The following SPATA32 variants were observed in gnomAD, a reference collection of about 807,000 sequenced individuals.
SPATA32 encodes spermatogenesis associated 32, also known as spermatogenesis-associated protein 32.
A neutral mutation model predicts 35.4 loss-of-function variants in SPATA32; 28 were observed. The ratio of observed to expected loss-of-function variants is 0.79; its 90% CI spans 0.59 to 1.09. The LOEUF is 1.09. SPATA32 is among the 50% of genes least tolerant of loss of function. The pLI is 0.00. For synonymous variants in SPATA32, 168 were observed against 196.3 expected, an observed-to-expected ratio of 0.86 and a Z score of 1.20; for missense variants, 409 against 475.9, an observed-to-expected ratio of 0.86 and a Z score of 1.31.
In SPATA32 at chr17:45,257,185, G is replaced by T. The variant is rs771967200; in HGVS notation, c.36C>A (p.Cys12Ter). 18 of 1,611,974 alleles carry T rather than the reference G, an allele frequency of 1.1e-5. No individual in the cohort carries two copies. The highest frequency in any genetic ancestry group is 8.0e-5 in the African/African-American group (6 of 74,854). Residue 12 changes from cysteine to a stop codon, truncating the protein, a stop_gained, in exon 2 of 5, where the codon TGC (cysteine) becomes TGA (stop). Coordinates refer to ENST00000331780, the MANE Select transcript of SPATA32 (RefSeq NM_152343.3). LOFTEE classifies it high-confidence loss of function. ...GVTGAHGFPC[C>*]GKGSVEVAEM... ...CTGCAACCTCCACTGACCCTTTGCC[G>T]CAGCATGGAAATCCATGGGCACCTG...
rs780724279 is a variant in SPATA32, at chr17:45,254,463, T to A, written c.1118A>T (p.His373Leu). ...EKENPLLVKI[H>L]FKLSAPTIPE... is the part of the protein sequence containing the mutation. ...GATTGTGGGGGCTGACAGCTTAAAA[T>A]GGATTTTCACCAATAATGGATTCTC... Residue 373 changes from histidine (H) to leucine (L), a missense_variant, in exon 5 of 5, where the codon CAT (histidine) becomes CTT (leucine). Physicochemically the swap from His to Leu is moderately conservative, Grantham distance 99. Transcript: ENST00000331780. The A allele has an allele frequency of 8.7e-6, 14 of 1,614,058 alleles. 1 individual carries two copies. In the South Asian group the frequency reaches 1.4e-4, roughly 16 times the overall value.
At chr17:45,259,913 C>T (rs1455348771) in intron 1 of SPATA32, 1 of 152,074 alleles carries the variant, frequency 6.6e-6, no homozygotes, top group Non-Finnish European at 1.5e-5. Flanking sequence ...GTTGTTGAAT[C>T]TGATTGGCTT....
rs1338009502 is a variant in SPATA32, at chr17:45,256,492, A to G, written c.69-77T>C. The G allele has an allele frequency of 7.6e-7, 1 of 1,317,448 alleles. No individual in the cohort carries two copies. The highest frequency in any genetic ancestry group is 1.1e-6 in the Non-Finnish European group (1 of 910,994). The allele number at this position is 1,317,448 out of a possible 1,614,324, so 81.6% of individuals were successfully genotyped here. Reference sequence around the variant, plus strand: ...GGAAGGGGGTTTCTGGGGCCCTCAAAGCCCTCTGCCTTGTAACAGAAGCTG... The same window carrying G: ...GGAAGGGGGTTTCTGGGGCCCTCAAGGCCCTCTGCCTTGTAACAGAAGCTG... On this transcript the variant is annotated intron_variant, in intron 2 of 4. Transcript: ENST00000331780. The surrounding 1 kb of genome is among the most constrained non-coding windows in gnomAD (Gnocchi z 4.7).
Position 45,255,576 on chromosome 17 carries a change from G to A in SPATA32, c.606C>T (p.Cys202=). The part of the protein sequence containing the change: ...LREAIPTNAL[C]SEEQLQIPDA... Reference sequence around the variant, plus strand: ...CAGGGATCTGGAGCTGCTCCTCGGAGCACAGGGCGTTGGTGGGGATGGCCT... The same window carrying A: ...CAGGGATCTGGAGCTGCTCCTCGGAACACAGGGCGTTGGTGGGGATGGCCT... The change falls in exon 4 of 5, where the codon TGC becomes TGT. Residue 202 remains cysteine (C), a synonymous_variant. Coordinates refer to ENST00000331780, the MANE Select transcript of SPATA32 (RefSeq NM_152343.3). This position sits in a 1 kb window ranked among gnomAD's most constrained non-coding sequence, Gnocchi z 5.4. The A allele has an allele frequency of 3.1e-6, 5 of 1,614,148 alleles. No homozygotes were observed. Among genetic ancestry groups the A allele is most frequent in the South Asian group, 1.1e-5 (1 of 91,090 alleles).
intron 1 of SPATA32, among the ~76,000 whole-genome samples, chr17:45,260,358 C>T (rs187431568): frequency 8.5e-5 from 13 of 152,218 alleles, no homozygotes; most frequent in South Asian, 8.3e-4. Flanking sequence ...CCACTCTCCT[C>T]GCCCTATTCA....
Position 45,256,348 on chromosome 17 carries a change from C to T in SPATA32, c.108+28G>A. On this transcript the variant is annotated intron_variant, in intron 3 of 4. Coordinates refer to ENST00000331780, the MANE Select transcript of SPATA32 (RefSeq NM_152343.3). This position sits in a 1 kb window ranked among gnomAD's most constrained non-coding sequence, Gnocchi z 4.7. Reference sequence around the variant, plus strand: ...GAGCCCTGCCGCTTGCCTACCACCTCCCCGTAAGAGGACACTCCCATTTTT... The same window carrying T: ...GAGCCCTGCCGCTTGCCTACCACCTTCCCGTAAGAGGACACTCCCATTTTT... The T allele has an allele frequency of 6.2e-7, 1 of 1,610,904 alleles. No individual in the cohort carries two copies. The highest frequency in any genetic ancestry group is 8.5e-7 in the Non-Finnish European group (1 of 1,177,074).
chr17:45,255,331 A>G lies in SPATA32; in HGVS notation c.851T>C (p.Val284Ala). The change falls in exon 4 of 5, where the codon GTG becomes GCG. Residue 284 changes from valine to alanine, a missense_variant. Transcript: ENST00000331780. This position sits in a 1 kb window ranked among gnomAD's most constrained non-coding sequence, Gnocchi z 5.4. The part of the protein sequence containing the change: ...EPSTEPLLTT[V>A]EEREPENHAE... ...GTGATTTTCTGGCTCTCGCTCCTCC[A>G]CAGTGGTCAGGAGGGGCTCTGTGGA... 1 of 1,614,138 alleles carries G rather than the reference A, an allele frequency of 6.2e-7. No homozygotes were observed.
chr17:45,257,574 C>A (rs963037657), intron 1 of SPATA32, among the ~76,000 whole-genome samples: 1 of 152,202 alleles, frequency 6.6e-6, no homozygotes, highest in Non-Finnish European at 1.5e-5. Flanking sequence ...TGCCCAAGGT[C>A]CCCCAGCTGA....
chr17:45,255,970 G>A lies in SPATA32; in HGVS notation c.212C>T (p.Ala71Val). 6.2e-7 allele frequency: 1 copy of A among 1,614,094 alleles called. No homozygotes were observed. The highest frequency in any genetic ancestry group is 1.7e-5 in the Admixed American group (1 of 60,016). Residue 71 changes from alanine (A) to valine (V), a missense_variant, in exon 4 of 5, where the codon GCT becomes GTT. Coordinates refer to ENST00000331780, the MANE Select transcript of SPATA32 (RefSeq NM_152343.3). This position sits in a 1 kb window ranked among gnomAD's most constrained non-coding sequence, Gnocchi z 5.4. The part of the protein sequence containing the change: ...DPELEIGQVP[A>V]LLESELYPAL... ...TGGGTATAGCTCTGACTCCAGTAAA[G>A]CCGGCACCTGTCCGATCTCCAGTTC... is the stretch of plus-strand genomic sequence containing the variant.
chr17:45,256,123 C>T lies in SPATA32; in HGVS notation c.109-50G>A. 1 of 1,547,862 alleles carries T rather than the reference C, an allele frequency of 6.5e-7. No individual in the cohort carries two copies. On this transcript the variant is annotated intron_variant, in intron 3 of 4. Coordinates refer to ENST00000331780, the MANE Select transcript of SPATA32 (RefSeq NM_152343.3). This position sits in a 1 kb window ranked among gnomAD's most constrained non-coding sequence, Gnocchi z 4.7. ...AGGAGGCAGGAGCGGGAGGTCCTGC[C>T]CCTGAGGCCCTCCCTGGCACCGAGT...
intron 2 of SPATA32, 129 bp downstream of exon 2, chr17:45,257,024 G>GC: frequency 9.5e-7 from 1 of 1,049,330 alleles, no homozygotes; most frequent in Non-Finnish European, 1.4e-6. Flanking sequence ...CTGGACACTG[G>GC]CCCCGGGGAG....
At position 45,255,943 on chromosome 17, in the gene SPATA32, G is replaced by T. The variant is rs150189342; in HGVS notation, c.239C>A (p.Ala80Asp). Reference protein sequence around the residue: ...PALLESELYPALKLEAELDTE... With the variant: ...PALLESELYPDLKLEAELDTE... ...GTCCAGCTCAGCTTCAAGCTTGAGG[G>T]CTGGGTATAGCTCTGACTCCAGTAA... is the stretch of plus-strand genomic sequence containing the variant. Residue 80 changes from alanine (A) to aspartate (D), a missense_variant, in exon 4 of 5, where the codon GCC becomes GAC. Coordinates refer to ENST00000331780, the MANE Select transcript of SPATA32 (RefSeq NM_152343.3). The surrounding 1 kb of genome is among the most constrained non-coding windows in gnomAD (Gnocchi z 5.4). The T allele has an allele frequency of 1.2e-6, 2 of 1,614,106 alleles. No individual in the cohort carries two copies. The highest frequency in any genetic ancestry group is 1.7e-6 in the Non-Finnish European group (2 of 1,180,024).
intron 1 of SPATA32, 111 bp downstream of exon 1, chr17:45,261,893 G>A: frequency 8.5e-7 from 1 of 1,182,844 alleles, no homozygotes; most frequent in African/African-American, 1.6e-5. Flanking sequence ...TGGGAGCAGG[G>A]GAACGGGCCC....
In SPATA32 at chr17:45,254,453, C is replaced by CA. The variant is rs1567979424; in HGVS notation, c.1127dup (p.Ser377ValfsTer15). On this transcript the variant is annotated frameshift_variant, in exon 5 of 5. Transcript: ENST00000331780. LOFTEE classifies it high-confidence loss of function. The stretch of plus-strand genomic sequence containing the variant: ...ATTTCTCTGGGATTGTGGGGGCTGA[C>CA]AGCTTAAAATGGATTTTCACCAATA... The CA allele has an allele frequency of 6.2e-7, 1 of 1,614,076 alleles. No homozygotes were observed. Among genetic ancestry groups the CA allele is most frequent in the African/African-American group, 1.3e-5 (1 of 74,938 alleles).
At position 45,256,730 on chromosome 17, in the gene SPATA32, C is replaced by T. The variant is rs2043961730; in HGVS notation, c.69-315G>A. Among the ~76,000 whole-genome samples the T allele has an allele frequency of 6.6e-6, 1 of 152,150 alleles. No homozygotes were observed. The highest frequency in any genetic ancestry group is 2.4e-5 in the African/African-American group (1 of 41,414). ...ATTTTTATCAAGCACTGCAGGTGAG[C>T]TGGGGCAACTCACTTCGAGGATTAG... On this transcript the variant is annotated intron_variant, in intron 2 of 4. Coordinates refer to ENST00000331780, the MANE Select transcript of SPATA32 (RefSeq NM_152343.3). This position sits in a 1 kb window ranked among gnomAD's most constrained non-coding sequence, Gnocchi z 4.7.
chr17:45,254,998 A>G (rs2291448), intron 4 of SPATA32, 117 bp downstream of exon 4: 68,494 of 996,534 alleles, frequency 0.069, 2,838 homozygotes, highest in African/African-American at 0.13. Flanking sequence ...ACAGCCCACC[A>G]CATCCTGCTC....
At chr17:45,261,847 G>C (rs975757704) in intron 1 of SPATA32, 157 bp downstream of exon 1, 2 of 805,032 alleles carry the variant, frequency 2.5e-6, no homozygotes, top group South Asian at 1.2e-4. Context: ...GTGGGCTTTG[G>C]CGGCGGGTCG....
Position 45,256,109 on chromosome 17 carries a change from G to C in SPATA32, c.109-36C>G. 6.4e-7 allele frequency: 1 copy of C among 1,562,176 alleles called. No individual in the cohort carries two copies. The stretch of plus-strand genomic sequence containing the variant: ...TCAACTCAAAGCTGAGGAGGCAGGA[G>C]CGGGAGGTCCTGCCCCTGAGGCCCT... On this transcript the variant is annotated intron_variant, in intron 3 of 4. Coordinates refer to ENST00000331780, the MANE Select transcript of SPATA32 (RefSeq NM_152343.3). The surrounding 1 kb of genome is among the most constrained non-coding windows in gnomAD (Gnocchi z 4.7).
chr17:45,260,934 T>C (rs2044000090), intron 1 of SPATA32: 1 of 152,246 alleles, frequency 6.6e-6, no homozygotes, highest in Non-Finnish European at 1.5e-5. Context: ...CCAGTGCCTT[T>C]GCAAATGCTA....
Sources: allele counts gnomAD v4.1 joint callset (sites outside exome capture counted in the v4.1 genomes callset), GRCh38; gene constraint gnomAD v4.1.1; non-coding constraint Gnocchi (gnomAD v3.1); transcripts MANE v1.5; gene names NCBI Gene and HGNC (gene_info 2026-07-23, HGNC 2026-07-21).